Variants in CLEC20A observed in about 807,000 individuals in gnomAD.
CLEC20A encodes the protein C-type lectin domain containing 20A, also known as putative C-type lectin domain family 20 member A.
chr1:178,482,878 T>C (rs1374476778), intron 6 of CLEC20A: 4 of 257,232 alleles, frequency 1.6e-5, no homozygotes, highest in Non-Finnish European at 7.2e-6. Context: ...ATTTTATTGT[T>C]TATAAAGTTT....
chr1:178,492,470 C>G, intron 3 of CLEC20A, 31 bp downstream of exon 3: 1 of 398,252 alleles, frequency 2.5e-6, no homozygotes, highest in Non-Finnish European at 4.4e-6. Flanking sequence ...AGCCAAATTC[C>G]CAGAAAAGGG....
chr1:178,488,582 G>A (rs1029360963), exon 5 of CLEC20A: 7 of 398,698 alleles, frequency 1.8e-5, no homozygotes, highest in East Asian at 1.1e-4. Flanking sequence ...GCTGATGCCC[G>A]GTGTCCAGTG....
intron 1 of CLEC20A, among the ~76,000 whole-genome samples, chr1:178,495,210 A>G (rs1649358850): frequency 6.6e-6 from 1 of 152,242 alleles, no homozygotes; most frequent in Non-Finnish European, 1.5e-5. Context: ...ATGTGCCATC[A>G]GCTCAAGGAA....
chr1:178,483,497 A>G (rs942225040), intron 5 of CLEC20A: 1 of 371,594 alleles, frequency 2.7e-6, no homozygotes, highest in Non-Finnish European at 4.8e-6. Context: ...TTGCTACACC[A>G]TCATCTTTCA....
intron 5 of CLEC20A, 82 bp downstream of exon 5, chr1:178,488,419 G>A (rs1273081658): frequency 5.0e-6 from 2 of 398,272 alleles, no homozygotes; most frequent in Non-Finnish European, 8.8e-6. Context: ...TTCTAAGAGG[G>A]GCTTATGGGG....
rs186260575 is a variant in CLEC20A, at chr1:178,489,323, C to T, written c.830-724G>A. Among the ~76,000 whole-genome samples, 848 of 152,172 alleles carry T rather than the reference C, an allele frequency of 5.6e-3. 9 individuals carry two copies. Among genetic ancestry groups the T allele is most frequent in the African/African-American group, 0.019 (787 of 41,496 alleles). ...GGCTGCAGTGAGCTGAGGACCACTG[C>T]ACTCCAGCCTGGGCGACAGAGCAAG... On this transcript the variant is annotated intron_variant, in intron 4 of 7. Transcript: ENST00000623247.
rs1649038756 is a variant in CLEC20A at position 178,483,294 on chromosome 1, G to A, written c.929-12C>T. On this transcript the variant is annotated splice_polypyrimidine_tract_variant and intron_variant, in intron 5 of 7. Transcript: ENST00000623247. ...TACACTGGCCACAGCTACAGGAGGG[G>A]AAAATAAAAGATTTATTGCAAATAC... is the stretch of plus-strand genomic sequence containing the variant. 5.0e-6 allele frequency: 2 copies of A among 398,492 alleles called. No homozygotes were observed. The highest frequency in any genetic ancestry group is 1.3e-4 in the South Asian group (1 of 7,864). 24.7% of individuals were successfully genotyped at this position (398,492 alleles called of 1,614,324 possible).
intron 5 of CLEC20A, among the ~76,000 whole-genome samples, chr1:178,485,805 C>T (rs1338702046): frequency 6.6e-6 from 1 of 152,190 alleles, no homozygotes; most frequent in Non-Finnish European, 1.5e-5. Context: ...AAGTACAGAA[C>T]AGCCCCTGCC....
upstream of CLEC20A, chr1:178,497,311 C>G: frequency 4.3e-6 from 1 of 230,250 alleles, no homozygotes; most frequent in Non-Finnish European, 8.3e-6. Flanking sequence ...GAACTAGAAC[C>G]CCTTTTCGCC....
downstream of CLEC20A, chr1:178,479,053 C>T (rs1396156720): frequency 1.3e-5 from 2 of 152,190 alleles, no homozygotes; most frequent in South Asian, 2.1e-4. Flanking sequence ...AAATAACTAG[C>T]ATTAGCATGT....
chr1:178,492,667 C>A, intron 2 of CLEC20A, 101 bp from the exon 3 acceptor site: 1 of 398,202 alleles, frequency 2.5e-6, no homozygotes, highest in East Asian at 3.6e-5. Context: ...CAGGGGCAGA[C>A]AGGCTGGTCC....
chr1:178,497,327 C>T (rs1200526701), upstream of CLEC20A: 4 of 211,230 alleles, frequency 1.9e-5, no homozygotes, highest in Non-Finnish European at 2.8e-5. Flanking sequence ...TCGCCAAAGC[C>T]AGCCATAAAA....
upstream of CLEC20A, among the ~76,000 whole-genome samples, chr1:178,497,532 G>A (rs1649428683): frequency 6.6e-6 from 1 of 152,166 alleles, no homozygotes; most frequent in African/African-American, 2.4e-5. Context: ...GGCCTGGCTG[G>A]GTTTCCCCAC....
intron 1 of CLEC20A, 39 bp from the exon 2 acceptor site, chr1:178,494,849 C>T (rs1226338290): frequency 7.5e-6 from 3 of 398,964 alleles, no homozygotes; most frequent in Middle Eastern, 6.2e-4. Flanking sequence ...GCTGTCCCCA[C>T]CCCAGCCCCT....
intron 7 of CLEC20A, chr1:178,481,757 G>C (rs1419470324): frequency 6.6e-6 from 1 of 152,208 alleles, no homozygotes. Context: ...AAGAATTGGA[G>C]GTTGCAGTGA....
At chr1:178,479,640 T>C (rs1214431601) in intron 7 of CLEC20A, 25 bp from the exon 8 acceptor site, 1 of 398,266 alleles carries the variant, frequency 2.5e-6, no homozygotes, top group African/African-American at 2.1e-5. Flanking sequence ...AGAGAGAAAG[T>C]GTTGATGCGG....
exon 5 of CLEC20A, chr1:178,488,512 C>T (rs1649201878): frequency 1.5e-5 from 6 of 398,666 alleles, no homozygotes. Context: ...TCTGCCTGGC[C>T]TGGGAGTTGT....
chr1:178,481,938 A>G (rs1648996840), intron 7 of CLEC20A: 1 of 166,868 alleles, frequency 6.0e-6, no homozygotes, highest in African/African-American at 2.5e-5. Context: ...AGGCATTATT[A>G]TTATCATTCT....
At chr1:178,491,908 G>A (rs978449391) in intron 3 of CLEC20A, among the ~76,000 whole-genome samples, 1 of 152,192 alleles carries the variant, frequency 6.6e-6, no homozygotes, top group Non-Finnish European at 1.5e-5. Context: ...CTGGGCTGCA[G>A]CCAAGGGCCC....
Sources: gnomAD v4.1 joint callset for allele counts (sites outside exome capture counted in the v4.1 genomes callset) on GRCh38, gnomAD v4.1.1 for gene constraint, MANE v1.5 for transcripts, NCBI Gene and HGNC (gene_info 2026-07-23, HGNC 2026-07-21) for gene names.